The following TACC2 variants were observed in gnomAD, a reference collection of about 807,000 sequenced individuals.
TACC2 encodes the protein transforming acidic coiled-coil-containing protein 2.
Under a neutral mutation model 227.3 loss-of-function variants are expected in TACC2, and 137 were observed. The observed-to-expected ratio is 0.60, with a 90% CI of 0.52 to 0.69. TACC2 has a LOEUF of 0.69. Ranked by LOEUF, TACC2 falls within the 30% of genes least tolerant of loss-of-function variation. The pLI, the probability that TACC2 is intolerant of heterozygous loss-of-function variation, is 0.00. For synonymous variants in TACC2, 1,523 were observed against 1,487.5 expected, an observed-to-expected ratio of 1.02 and a Z score of -0.55; for missense variants, 3,470 against 3,694.4, an observed-to-expected ratio of 0.94 and a Z score of 1.57.
chr10:122,147,107 C>T (rs999752627), intron 7 of TACC2, among the ~76,000 whole-genome samples: 2 of 151,996 alleles, frequency 1.3e-5, no homozygotes, highest in African/African-American at 4.8e-5. Flanking sequence ...ACCTCAGTTG[C>T]TTGGCTGAGG....
At chr10:122,103,012 T>C (rs1369520703) in intron 5 of TACC2, among the ~76,000 whole-genome samples, 2 of 152,096 alleles carry the variant, frequency 1.3e-5, no homozygotes, top group Non-Finnish European at 2.9e-5. Context: ...CAGGAATGTA[T>C]CTTGCTGCTT....
At chr10:122,138,825 A>G (rs2090091272) in intron 6 of TACC2, among the ~76,000 whole-genome samples, 1 of 152,148 alleles carries the variant, frequency 6.6e-6, no homozygotes, top group Admixed American at 6.5e-5. Flanking sequence ...CTCACACAAG[A>G]TTCTGTTCTT....
intron 3 of TACC2, among the ~76,000 whole-genome samples, chr10:122,061,283 C>G (rs1197395157): frequency 1.5e-4 from 2 of 13,222 alleles, no homozygotes; most frequent in African/African-American, 6.6e-4. Context: ...TGCACTCCGT[C>G]TCAAAAAAAA....
At chr10:122,022,814 T>G (rs973689156) in intron 2 of TACC2, 2 of 152,250 alleles carry the variant, frequency 1.3e-5, no homozygotes, top group African/African-American at 4.8e-5. Context: ...GGACTTTAAC[T>G]GCTTAATTGT....
rs201847662 is a variant in TACC2, at chr10:122,053,573, C to T, written c.146+3023C>T. Among the ~76,000 whole-genome samples the T allele has an allele frequency of 1.1e-4, 16 of 152,276 alleles. 1 individual carries two copies. The South Asian group carries it at 3.1e-3, about 30-fold the overall frequency. Reference sequence around the variant, plus strand: ...GCCAGTGACCACACTGCCCCTCAGGCTGAGGGACTGTGCTGCTTCTCCACA... The same window carrying T: ...GCCAGTGACCACACTGCCCCTCAGGTTGAGGGACTGTGCTGCTTCTCCACA... On this transcript the variant is annotated intron_variant, in intron 3 of 22. Coordinates refer to ENST00000369005, the MANE Select transcript of TACC2 (RefSeq NM_206862.4).
At chr10:122,148,558 G>C (rs1342345169) in intron 7 of TACC2, among the ~76,000 whole-genome samples, 1 of 152,258 alleles carries the variant, frequency 6.6e-6, no homozygotes, top group East Asian at 1.9e-4. Context: ...CTGTGGCTTT[G>C]TCTTCTCTCT....
rs961286898 is a variant in TACC2, at chr10:122,120,964, C to T, written c.5574-11645C>T. On this transcript the variant is annotated intron_variant, in intron 5 of 22. Coordinates refer to ENST00000369005, the MANE Select transcript of TACC2 (RefSeq NM_206862.4). ...ATTTTTTGGTACAGAGGGGGTTTCG[C>T]CTTGTTGGCCAGGCCAAAATCCTGA... is the stretch of plus-strand genomic sequence containing the variant. Among the ~76,000 whole-genome samples the T allele has an allele frequency of 9.2e-5, 14 of 152,148 alleles. No homozygotes were observed. The South Asian group carries it at 2.1e-3, about 23-fold the overall frequency.
At chr10:122,244,113 G>A (rs574835770) in intron 19 of TACC2, among the ~76,000 whole-genome samples, 1 of 152,188 alleles carries the variant, frequency 6.6e-6, no homozygotes, top group Non-Finnish European at 1.5e-5. Flanking sequence ...GCCCTGGAGA[G>A]AATGCCACCT....
At chr10:122,018,094 A>G (rs148150198) in intron 1 of TACC2, among the ~76,000 whole-genome samples, 91 of 150,378 alleles carry the variant, frequency 6.1e-4, no homozygotes, top group Non-Finnish European at 1.1e-3. Flanking sequence ...TGCTGCATCT[A>G]TTGACCCATC....
At position 122,121,998 on chromosome 10, in the gene TACC2, C is replaced by T. The variant is rs546107370; in HGVS notation, c.5574-10611C>T. 3.3e-5 allele frequency among the ~76,000 whole-genome samples: 5 copies of T among 152,298 alleles called. No individual in the cohort carries two copies. In the South Asian group the frequency reaches 8.3e-4, roughly 25 times the overall value. On this transcript the variant is annotated intron_variant, in intron 5 of 22. Coordinates refer to ENST00000369005, the MANE Select transcript of TACC2 (RefSeq NM_206862.4). ...CAGGCGAGGACAGGTCCAGGGTTCTCGCCATGGGTCTCTTTGCCAAGTCGC... is the reference window on the plus strand; with the variant it reads ...CAGGCGAGGACAGGTCCAGGGTTCTTGCCATGGGTCTCTTTGCCAAGTCGC...
chr10:122,220,680 G>A (rs2095506468), intron 11 of TACC2, among the ~76,000 whole-genome samples: 1 of 152,210 alleles, frequency 6.6e-6, no homozygotes, highest in South Asian at 2.1e-4. Flanking sequence ...GAAATGTTGG[G>A]TGAGAAATAA....
intron 22 of TACC2, 106 bp downstream of exon 22, chr10:122,249,770 G>A (rs2096214812): frequency 7.3e-7 from 1 of 1,368,102 alleles, no homozygotes; most frequent in Non-Finnish European, 9.8e-7. Context: ...TGCTGCTCCT[G>A]AAGACGAATT....
intron 19 of TACC2, among the ~76,000 whole-genome samples, chr10:122,242,839 G>A (rs1265570285): frequency 6.6e-6 from 1 of 152,092 alleles, no homozygotes; most frequent in Non-Finnish European, 1.5e-5. Context: ...TTGCTACGTT[G>A]CCCAGGCTGG....
intron 11 of TACC2, among the ~76,000 whole-genome samples, chr10:122,220,874 CA>C (rs768704858): frequency 6.6e-6 from 1 of 152,182 alleles, no homozygotes; most frequent in Non-Finnish European, 1.5e-5. Context: ...AACAAGGATA[CA>C]GAGGCTTGGA....
chr10:122,249,797 A>C (rs563357171), intron 22 of TACC2, 133 bp downstream of exon 22: 26 of 1,134,954 alleles, frequency 2.3e-5, no homozygotes, highest in Middle Eastern at 6.1e-4. Flanking sequence ...TCATGAGCAT[A>C]CCCTTGGTTC....
intron 1 of TACC2, among the ~76,000 whole-genome samples, chr10:122,019,080 G>T (rs74158481): frequency 0.02 from 3,055 of 152,350 alleles, 97 homozygotes; most frequent in African/African-American, 0.069. Flanking sequence ...ATAACTGGAG[G>T]AACTGCGGAC....
At chr10:122,104,311 A>T (rs1398268127) in intron 5 of TACC2, among the ~76,000 whole-genome samples, 2 of 151,992 alleles carry the variant, frequency 1.3e-5, no homozygotes, top group African/African-American at 4.8e-5. Context: ...TTGTGTTATT[A>T]TCTACTTACT....
At chr10:122,184,284 G>A (rs549989304) in intron 7 of TACC2, among the ~76,000 whole-genome samples, 6 of 152,254 alleles carry the variant, frequency 3.9e-5, no homozygotes, top group African/African-American at 7.2e-5. Context: ...GGGTCCCCGA[G>A]GCACCCCTGA....
intron 19 of TACC2, among the ~76,000 whole-genome samples, chr10:122,246,202 G>A (rs1325906846): frequency 2.0e-5 from 3 of 152,190 alleles, no homozygotes; most frequent in Non-Finnish European, 4.4e-5. Flanking sequence ...CCGTGGGGTG[G>A]GGTGTAGCAG....
Sources: allele counts gnomAD v4.1 joint callset (sites outside exome capture counted in the v4.1 genomes callset), GRCh38; gene constraint gnomAD v4.1.1; transcripts MANE v1.5; gene names NCBI Gene and HGNC (gene_info 2026-07-23, HGNC 2026-07-21).